Variants in HSDL1 observed in about 807,000 individuals in gnomAD.
HSDL1 encodes inactive hydroxysteroid dehydrogenase-like protein 1.
In HSDL1, 29 loss-of-function variants were observed where a neutral mutation model predicts 31.5. The ratio of observed to expected loss-of-function variants is 0.92; its 90% CI spans 0.69 to 1.26. HSDL1 has a LOEUF of 1.26. Among genes scored for constraint, HSDL1 ranks in the 50% most tolerant of loss-of-function variants. The pLI is 0.00. For missense variants in HSDL1, 503 were observed against 416.6 expected (o/e 1.21, Z -1.81); for synonymous variants, 222 against 155.2 (o/e 1.43, Z -3.20).
chr16:84,134,638 A>C (rs1032091603), intron 2 of HSDL1, among the ~76,000 whole-genome samples: 5 of 152,096 alleles, frequency 3.3e-5, no homozygotes, highest in African/African-American at 9.7e-5. Flanking sequence ...AACAAACAAA[A>C]AAAACAACCG....
chr16:84,141,680 T>A (rs541251835), intron 1 of HSDL1, among the ~76,000 whole-genome samples: 1 of 152,362 alleles, frequency 6.6e-6, no homozygotes, highest in South Asian at 2.1e-4. Flanking sequence ...AGCTTCACCT[T>A]CTGCCAACAG....
rs1176066844 is a variant in HSDL1, at chr16:84,124,200, A to G, written c.*430T>C. On this transcript the variant is annotated 3_prime_UTR_variant, in exon 6 of 6. Transcript: ENST00000219439. Reference sequence around the variant, plus strand: ...GTACCAGCAATCTTAGTTACAAAATAATACTTTTCAGTAGTCTTTCTTGAT... The same window carrying G: ...GTACCAGCAATCTTAGTTACAAAATGATACTTTTCAGTAGTCTTTCTTGAT... 1 of 166,732 alleles carries G rather than the reference A, an allele frequency of 6.0e-6. No homozygotes were observed. Among genetic ancestry groups the G allele is most frequent in the East Asian group, 1.6e-4 (1 of 6,106 alleles). The allele number at this position is 166,732 out of a possible 1,614,324, so 10.3% of individuals were successfully genotyped here.
chr16:84,144,094 C>CT (rs2086807090), intron 1 of HSDL1, among the ~76,000 whole-genome samples: 1 of 146,598 alleles, frequency 6.8e-6, no homozygotes, highest in Non-Finnish European at 1.5e-5. Flanking sequence ...CTCTCTCTCT[C>CT]CTGTGGCGGT....
At chr16:84,129,517 T>G (rs778964962) in intron 5 of HSDL1, 31 bp downstream of exon 5, 1 of 1,459,608 alleles carries the variant, frequency 6.9e-7, no homozygotes, top group Non-Finnish European at 9.6e-7. Context: ...GATGCATTAA[T>G]CTAATTATGA....
chr16:84,129,860 T>C, intron 4 of HSDL1, 85 bp from the exon 5 acceptor site: 1 of 1,428,746 alleles, frequency 7.0e-7, no homozygotes, highest in African/African-American at 1.4e-5. Context: ...TTATTATCAA[T>C]TCAGGAAAAA....
chr16:84,136,810 G>C (rs1000815246), intron 1 of HSDL1, among the ~76,000 whole-genome samples: 1 of 152,184 alleles, frequency 6.6e-6, no homozygotes, highest in Non-Finnish European at 1.5e-5. Flanking sequence ...AGAGCATCAG[G>C]GGGGCTGATG....
rs576369683 is a variant in HSDL1, at chr16:84,143,826, G to T, written c.-69+1254C>A. 3.1e-3 allele frequency among the ~76,000 whole-genome samples: 459 copies of T among 146,196 alleles called. 2 individuals are homozygous for T. Among genetic ancestry groups the T allele is most frequent in the African/African-American group, 0.011 (432 of 39,280 alleles). On this transcript the variant is annotated intron_variant, in intron 1 of 5. Coordinates refer to ENST00000219439, the MANE Select transcript of HSDL1 (RefSeq NM_031463.5). ...ACCCTGACCAACACAGCGAAACCCC[G>T]TCTCTACTAAAAAAAAAAAAAAAAA... is the stretch of plus-strand genomic sequence containing the variant.
intron 5 of HSDL1, among the ~76,000 whole-genome samples, chr16:84,125,592 C>T (rs921870689): frequency 6.6e-5 from 10 of 152,144 alleles, no homozygotes; most frequent in African/African-American, 1.9e-4. Flanking sequence ...CAACAAATAC[C>T]CACCAATCAC....
At chr16:84,143,607 T>C (rs1181043090) in intron 1 of HSDL1, among the ~76,000 whole-genome samples, 1 of 152,140 alleles carries the variant, frequency 6.6e-6, no homozygotes, top group Non-Finnish European at 1.5e-5. Context: ...TTTTATGTCA[T>C]GCGTAAGTCA....
chr16:84,123,554 C>A lies in HSDL1; in HGVS notation c.*1076G>T, dbSNP rs1300686001. 6.6e-6 allele frequency: 1 copy of A among 152,296 alleles called. No individual in the cohort carries two copies. The allele number at this position is 152,296 out of a possible 1,614,324, so 9.4% of individuals were successfully genotyped here. A position where few individuals can be genotyped will look rare whatever the true frequency, so the allele number is the denominator to read the frequency against. On this transcript the variant is annotated 3_prime_UTR_variant, in exon 6 of 6. Transcript: ENST00000219439. ...AGGTATTCACTACAATACATAAATTCATTACACAAACCAAGAATAAGCTTC... is the reference window on the plus strand; with the variant it reads ...AGGTATTCACTACAATACATAAATTAATTACACAAACCAAGAATAAGCTTC...
At chr16:84,131,483 G>GTCTATCTATCTATCTA (rs36192181) in intron 2 of HSDL1, among the ~76,000 whole-genome samples, 156 bp from the exon 3 acceptor site, 43 of 144,240 alleles carry the variant, frequency 3.0e-4, no homozygotes, top group Middle Eastern at 3.5e-3. Flanking sequence ...CACAGTTTCA[G>GTCTATCTATCTATCTA]TCTATCTATC....
At chr16:84,129,512 A>G in intron 5 of HSDL1, 36 bp downstream of exon 5, 2 of 1,410,118 alleles carry the variant, frequency 1.4e-6, no homozygotes, top group Admixed American at 1.7e-5. Context: ...TTCATGATGC[A>G]TTAATCTAAT....
Position 84,143,581 on chromosome 16 carries a change from T to C in HSDL1, c.-69+1499A>G, listed in dbSNP as rs368293993. Among the ~76,000 whole-genome samples the C allele has an allele frequency of 5.9e-5, 9 of 152,144 alleles. No individual in the cohort carries two copies. In the East Asian group the frequency reaches 1.2e-3, roughly 20 times the overall value. On this transcript the variant is annotated intron_variant, in intron 1 of 5. Coordinates refer to ENST00000219439, the MANE Select transcript of HSDL1 (RefSeq NM_031463.5). ...AACTACTGAGTTATACACTGTAAAATGGCTAAAATGATAAATTTTATGTCA... is the reference window on the plus strand; with the variant it reads ...AACTACTGAGTTATACACTGTAAAACGGCTAAAATGATAAATTTTATGTCA...
intron 2 of HSDL1, among the ~76,000 whole-genome samples, 178 bp from the exon 3 acceptor site, chr16:84,131,505 C>G (rs557260964): frequency 6.6e-6 from 1 of 151,672 alleles, no homozygotes; most frequent in Non-Finnish European, 1.5e-5. Context: ...ATCTATCTAT[C>G]TATCTATCTA....
At chr16:84,144,758 G>A (rs556445253) in intron 1 of HSDL1, among the ~76,000 whole-genome samples, 26 of 151,024 alleles carry the variant, frequency 1.7e-4, no homozygotes, top group Non-Finnish European at 3.3e-4. Flanking sequence ...CGGGGGAAGA[G>A]AGAGAACAGG....
At chr16:84,130,919 G>C in intron 3 of HSDL1, 183 bp downstream of exon 3, 1 of 600,998 alleles carries the variant, frequency 1.7e-6, no homozygotes. Context: ...CCAATCATGA[G>C]GCCAGTTCTT....
chr16:84,124,910 A>C (rs938221118), intron 5 of HSDL1, 182 bp from the exon 6 acceptor site: 1 of 472,810 alleles, frequency 2.1e-6, no homozygotes, highest in African/African-American at 2.1e-5. Flanking sequence ...CCCACCAATC[A>C]CAACAAATAC....
intron 1 of HSDL1, among the ~76,000 whole-genome samples, chr16:84,137,022 C>T (rs563556754): frequency 1.7e-4 from 26 of 151,242 alleles, no homozygotes; most frequent in African/African-American, 5.4e-4. Flanking sequence ...TACAGTCTCT[C>T]GAGATCTACA....
chr16:84,138,780 G>A (rs867592141), intron 1 of HSDL1, among the ~76,000 whole-genome samples: 2 of 152,086 alleles, frequency 1.3e-5, no homozygotes, highest in African/African-American at 4.8e-5. Flanking sequence ...ACTTCTACAG[G>A]GCAGGAGTCA....
Sources: gnomAD v4.1 joint callset for allele counts (sites outside exome capture counted in the v4.1 genomes callset) on GRCh38, gnomAD v4.1.1 for gene constraint, MANE v1.5 for transcripts, NCBI Gene and HGNC (gene_info 2026-07-23, HGNC 2026-07-21) for gene names.